CSMD2: variants seen among roughly 807,000 people sequenced by gnomAD.
The protein encoded by CSMD2 is CUB and Sushi multiple domains 2.
Under a neutral mutation model 398.5 loss-of-function variants are expected in CSMD2, and 130 were observed. That is an observed-to-expected ratio of 0.33 (90% CI 0.28 to 0.38). The LOEUF (loss-of-function observed/expected upper bound fraction) is 0.38. CSMD2 is among the 10% of genes least tolerant of loss of function. The pLI is 1.00. For missense variants in CSMD2, 3,829 were observed against 4,764.9 expected, an observed-to-expected ratio of 0.80 and a Z score of 5.78; for synonymous variants, 1,828 against 1,908.5, an observed-to-expected ratio of 0.96 and a Z score of 1.10.
At chr1:33,653,705 G>A (rs1440771531) in intron 27 of CSMD2, among the ~76,000 whole-genome samples, 1 of 152,080 alleles carries the variant, frequency 6.6e-6, no homozygotes, top group Non-Finnish European at 1.5e-5. Flanking sequence ...CTGTACCGTG[G>A]CATGAGGACT....
chr1:33,682,275 A>G (rs1644932527), intron 25 of CSMD2, among the ~76,000 whole-genome samples: 1 of 152,224 alleles, frequency 6.6e-6, no homozygotes. Context: ...GTTCACCCAG[A>G]TAATCCAGGA....
intron 62 of CSMD2, among the ~76,000 whole-genome samples, chr1:33,534,773 C>T (rs1372997546): frequency 6.6e-6 from 1 of 152,198 alleles, no homozygotes; most frequent in Non-Finnish European, 1.5e-5. Context: ...TAGCAAATGG[C>T]ACCTTTATCC....
At chr1:33,632,985 T>A (rs543382775) in intron 32 of CSMD2, among the ~76,000 whole-genome samples, 1 of 152,314 alleles carries the variant, frequency 6.6e-6, no homozygotes, top group South Asian at 2.1e-4. Flanking sequence ...GTTTGTTGAA[T>A]AAAATATGTA....
chr1:33,600,305 A>G, intron 44 of CSMD2: 1 of 610,726 alleles, frequency 1.6e-6, no homozygotes, highest in Non-Finnish European at 3.0e-6. Flanking sequence ...AACATTCTAT[A>G]AGTTTCTCTA....
chr1:33,974,236 G>A (rs1169162363), intron 3 of CSMD2, among the ~76,000 whole-genome samples: 10 of 152,238 alleles, frequency 6.6e-5, no homozygotes, highest in African/African-American at 7.2e-5. Context: ...AGGGACAGGT[G>A]TTGGAGACTG....
At chr1:33,517,529 A>T (rs1480720857) in intron 70 of CSMD2, among the ~76,000 whole-genome samples, 1 of 152,222 alleles carries the variant, frequency 6.6e-6, no homozygotes, top group African/African-American at 2.4e-5. Context: ...CCCGATTTAC[A>T]TCATCAGAGG....
At chr1:33,596,190 A>G (rs527397828) in intron 44 of CSMD2, among the ~76,000 whole-genome samples, 2 of 151,166 alleles carry the variant, frequency 1.3e-5, no homozygotes, top group African/African-American at 4.8e-5. Flanking sequence ...CTCCCTCCTC[A>G]CCCTACTTGG....
rs752227162 is a variant in CSMD2, at chr1:33,625,189, C to G, written c.5362G>C (p.Gly1788Arg). Residue 1788 changes from glycine to arginine, a missense_variant, in exon 34 of 71, where the codon GGC (glycine) becomes CGC (arginine). Transcript: ENST00000373381. ...ATGGCCCCCACCGAGAAGTCACTGCCCAGCCTCTTGCCATAGCGGGGTTCC... is the reference window on the plus strand; with the variant it reads ...ATGGCCCCCACCGAGAAGTCACTGCGCAGCCTCTTGCCATAGCGGGGTTCC... ...VPEPRYGKRL[G>R]SDFSVGAIVR... is the part of the protein sequence containing the mutation. 6.2e-7 allele frequency: 1 copy of G among 1,614,014 alleles called. No individual in the cohort carries two copies. Among genetic ancestry groups the G allele is most frequent in the South Asian group, 1.1e-5 (1 of 91,060 alleles).
chr1:34,155,529 T>C (rs1210292041), intron 1 of CSMD2, among the ~76,000 whole-genome samples: 1 of 152,166 alleles, frequency 6.6e-6, no homozygotes, highest in Non-Finnish European at 1.5e-5. Context: ...GACCAGGATG[T>C]CTGATGGGCT....
chr1:34,133,993 G>A lies in CSMD2; in HGVS notation c.187+30918C>T, dbSNP rs145619355. On this transcript the variant is annotated intron_variant, in intron 1 of 70. Coordinates refer to ENST00000373381, the MANE Select transcript of CSMD2 (RefSeq NM_001281956.2). ...CTGAGGCAGGAGAATCGCTTGAACC[G>A]GGGAGGCAGAGATTGCACCACTACA... Among the ~76,000 whole-genome samples the A allele has an allele frequency of 5.1e-3, 747 of 145,428 alleles. 8 individuals are homozygous for A. The highest frequency in any genetic ancestry group is 0.049 in the East Asian group (236 of 4,778).
At chr1:34,077,621 C>G (rs1656578991) in intron 2 of CSMD2, among the ~76,000 whole-genome samples, 1 of 150,420 alleles carries the variant, frequency 6.6e-6, no homozygotes, top group Non-Finnish European at 1.5e-5. Flanking sequence ...CCTGTAGTCC[C>G]AGCTACTCGG....
At chr1:33,749,081 A>G (rs1192932562) in intron 13 of CSMD2, among the ~76,000 whole-genome samples, 1 of 150,674 alleles carries the variant, frequency 6.6e-6, no homozygotes, top group Non-Finnish European at 1.5e-5. Context: ...CAAAGCTATC[A>G]ATACAGACTT....
chr1:34,008,308 T>C (rs1647125437), intron 3 of CSMD2, among the ~76,000 whole-genome samples: 1 of 152,142 alleles, frequency 6.6e-6, no homozygotes, highest in African/African-American at 2.4e-5. Context: ...TCCTGAAAGG[T>C]TAAATGTCTC....
chr1:33,859,582 CG>C (rs1388310217), intron 5 of CSMD2, among the ~76,000 whole-genome samples: 1 of 152,212 alleles, frequency 6.6e-6, no homozygotes, highest in Non-Finnish European at 1.5e-5. Context: ...GGGCTTAGGA[CG>C]CCAGCATCTT....
chr1:33,978,644 G>A (rs145679021), intron 3 of CSMD2, among the ~76,000 whole-genome samples: 2 of 152,248 alleles, frequency 1.3e-5, no homozygotes, highest in African/African-American at 4.8e-5. Flanking sequence ...GAGAACAGCA[G>A]ATGCAAAGGC....
In CSMD2 at chr1:33,518,285, G is replaced by T. The variant is rs945565587; in HGVS notation, c.*53+1180C>A. ...AGGGTCATAGGTCCCAGAGGTGAGG[G>T]TGTCATCGAAGGAGGACACAGTGAG... On this transcript the variant is annotated intron_variant, in intron 70 of 70. Coordinates refer to ENST00000373381, the MANE Select transcript of CSMD2 (RefSeq NM_001281956.2). This position sits in a 1 kb window ranked among gnomAD's most constrained non-coding sequence, Gnocchi z 4.3. 6.6e-6 allele frequency among the ~76,000 whole-genome samples: 1 copy of T among 152,216 alleles called. No individual in the cohort carries two copies. The highest frequency in any genetic ancestry group is 1.5e-5 in the Non-Finnish European group (1 of 68,032).
At chr1:33,671,549 CAA>C in intron 25 of CSMD2, among the ~76,000 whole-genome samples, 1 of 152,218 alleles carries the variant, frequency 6.6e-6, no homozygotes, top group Admixed American at 6.5e-5. Flanking sequence ...TGCCTTTCCT[CAA>C]AGTGTTTTCA....
chr1:34,111,891 A>C (rs184112276), intron 1 of CSMD2, among the ~76,000 whole-genome samples: 3 of 152,308 alleles, frequency 2.0e-5, no homozygotes, highest in East Asian at 1.9e-4. Context: ...CGACTCCATT[A>C]CAGCCCTGTC....
chr1:33,903,797 G>A (rs974241706), intron 5 of CSMD2, among the ~76,000 whole-genome samples: 3 of 152,196 alleles, frequency 2.0e-5, no homozygotes, highest in African/African-American at 4.8e-5. Context: ...GTTACTTTAG[G>A]CTGCATGGAC....
Sources: gnomAD v4.1 joint callset for allele counts (sites outside exome capture counted in the v4.1 genomes callset) on GRCh38, gnomAD v4.1.1 for gene constraint, Gnocchi (gnomAD v3.1) non-coding constraint, MANE v1.5 for transcripts, NCBI Gene and HGNC (gene_info 2026-07-23, HGNC 2026-07-21) for gene names.